Variants in NBAS observed in about 807,000 individuals in gnomAD.
The protein encoded by NBAS is NAG/BC035112 fusion.
A neutral mutation model predicts 302.5 loss-of-function variants in NBAS; 219 were observed. The ratio of observed to expected loss-of-function variants is 0.72; its 90% CI spans 0.65 to 0.81. The LOEUF is 0.81. Ranked by LOEUF, NBAS falls within the 30% of genes least tolerant of loss-of-function variation. The pLI, the probability that NBAS is intolerant of heterozygous loss-of-function variation, is 0.00. For missense variants in NBAS, 2,932 were observed against 2,841.6 expected, an observed-to-expected ratio of 1.03 and a Z score of -0.72; for synonymous variants, 1,118 against 1,021.6, an observed-to-expected ratio of 1.09 and a Z score of -1.80.
At chr2:15,425,698 C>T (rs962031768) in intron 22 of NBAS, among the ~76,000 whole-genome samples, 1 of 152,148 alleles carries the variant, frequency 6.6e-6, no homozygotes, top group Non-Finnish European at 1.5e-5. Context: ...CCCAGCTCTG[C>T]CCACACGAAG....
chr2:15,231,836 A>C (rs1455673142), intron 47 of NBAS, among the ~76,000 whole-genome samples: 1 of 152,166 alleles, frequency 6.6e-6, no homozygotes, highest in Non-Finnish European at 1.5e-5. Context: ...CATGGATATT[A>C]GGCATTGTAA....
At chr2:14,795,436 G>C in the NBAS span, among the ~76,000 whole-genome samples, 1 of 149,176 alleles carries the variant, frequency 6.7e-6, no homozygotes, top group Non-Finnish European at 1.5e-5. Context: ...TATATTTATT[G>C]GCTTATTATT....
At chr2:15,387,003 T>C (rs552172706) in intron 28 of NBAS, among the ~76,000 whole-genome samples, 2 of 152,246 alleles carry the variant, frequency 1.3e-5, no homozygotes, top group Non-Finnish European at 2.9e-5. Context: ...TGACACAAAG[T>C]ATGTCAAAAT....
intron 32 of NBAS, among the ~76,000 whole-genome samples, chr2:15,360,043 T>C (rs549021538): frequency 1.2e-4 from 18 of 152,234 alleles, no homozygotes; most frequent in Non-Finnish European, 2.1e-4. Context: ...TGGAATGCAA[T>C]GGTAAGAATT....
chr2:15,288,718 T>C (rs537815919), intron 41 of NBAS, among the ~76,000 whole-genome samples: 2 of 152,342 alleles, frequency 1.3e-5, no homozygotes, highest in African/African-American at 2.4e-5. Flanking sequence ...AATTTTTAGT[T>C]GGAAGAATGG....
At chr2:14,981,472 G>A in the NBAS span, among the ~76,000 whole-genome samples, 1 of 152,202 alleles carries the variant, frequency 6.6e-6, no homozygotes, top group Non-Finnish European at 1.5e-5. Context: ...TGGGAGTTGT[G>A]CTCTTGCAAA....
intron 9 of NBAS, 21 bp downstream of exon 9, chr2:15,534,522 T>A (rs368913088): frequency 4.0e-6 from 6 of 1,513,132 alleles, no homozygotes. Flanking sequence ...CCACTAAATA[T>A]GAGAACAAAT....
chr2:15,005,466 C>T, the NBAS span, among the ~76,000 whole-genome samples: 2 of 152,222 alleles, frequency 1.3e-5, no homozygotes, highest in Non-Finnish European at 2.9e-5. Context: ...GTCAGAATAA[C>T]TCTGGGAGAT....
At position 15,511,906 on chromosome 2, in the gene NBAS, G is replaced by T. The variant is rs541879687; in HGVS notation, c.747-556C>A. Among the ~76,000 whole-genome samples, 41 of 152,200 alleles carry T rather than the reference G, an allele frequency of 2.7e-4. 1 individual carries two copies. In the South Asian group the frequency reaches 7.9e-3, roughly 29 times the overall value. On this transcript the variant is annotated intron_variant, in intron 9 of 51. Transcript: ENST00000281513. ...ATAACTGGAGGCCAGTTACCAACAG[G>T]GCAAACAGCCTAACATATACTAAAA...
chr2:14,791,955 G>A, the NBAS span, among the ~76,000 whole-genome samples: 2 of 152,030 alleles, frequency 1.3e-5, no homozygotes, highest in South Asian at 4.1e-4. Flanking sequence ...CTCCTCTTCT[G>A]ACCAGAAACA....
At chr2:15,363,895 A>C (rs762373141) in intron 32 of NBAS, among the ~76,000 whole-genome samples, 4 of 152,156 alleles carry the variant, frequency 2.6e-5, no homozygotes, top group Non-Finnish European at 5.9e-5. Context: ...GACTTCCAAG[A>C]CCATATCATA....
intron 50 of NBAS, among the ~76,000 whole-genome samples, chr2:15,183,152 A>G (rs1010433354): frequency 6.6e-6 from 1 of 152,228 alleles, no homozygotes; most frequent in African/African-American, 2.4e-5. Flanking sequence ...AGTAAAATAA[A>G]CTTAAAAAGA....
intron 25 of NBAS, among the ~76,000 whole-genome samples, chr2:15,406,725 G>A (rs1474822520): frequency 6.6e-6 from 1 of 152,116 alleles, no homozygotes; most frequent in Non-Finnish European, 1.5e-5. Flanking sequence ...AAACCCTATC[G>A]AAGAATGGAG....
intron 10 of NBAS, among the ~76,000 whole-genome samples, chr2:15,507,085 G>C (rs1318207351): frequency 6.6e-6 from 1 of 152,148 alleles, no homozygotes; most frequent in Non-Finnish European, 1.5e-5. Flanking sequence ...TTTTTGTGAA[G>C]GGAAAAATAA....
At chr2:15,257,529 A>T (rs1334924447) in intron 44 of NBAS, among the ~76,000 whole-genome samples, 1 of 151,654 alleles carries the variant, frequency 6.6e-6, no homozygotes, top group Non-Finnish European at 1.5e-5. Flanking sequence ...AGTGGCTGAG[A>T]TTGCAAAAGC....
At chr2:14,922,542 T>C in the NBAS span, among the ~76,000 whole-genome samples, 2 of 152,214 alleles carry the variant, frequency 1.3e-5, no homozygotes, top group African/African-American at 2.4e-5. Flanking sequence ...CATGGCCTTT[T>C]CTCTGTGCAT....
rs562683900 is a variant in NBAS, at chr2:15,515,121, C to T, written c.747-3771G>A. ...TTTAAAGGGGAAGAAATGGAGATAA[C>T]TGAATCAACATCTTCACAAAACTGG... On this transcript the variant is annotated intron_variant, in intron 9 of 51. Coordinates refer to ENST00000281513, the MANE Select transcript of NBAS (RefSeq NM_015909.4). Among the ~76,000 whole-genome samples the T allele has an allele frequency of 2.6e-5, 4 of 152,214 alleles. No homozygotes were observed. In the East Asian group the frequency reaches 7.7e-4, roughly 29 times the overall value.
At chr2:15,494,191 G>C (rs1328718073) in intron 11 of NBAS, among the ~76,000 whole-genome samples, 1 of 152,136 alleles carries the variant, frequency 6.6e-6, no homozygotes, top group Non-Finnish European at 1.5e-5. Flanking sequence ...TTTTAATCAT[G>C]AATGTCATTT....
the NBAS span, among the ~76,000 whole-genome samples, chr2:15,020,095 C>G: frequency 6.6e-6 from 1 of 152,134 alleles, no homozygotes; most frequent in African/African-American, 2.4e-5. Context: ...CAACTCCATT[C>G]TGTTTAACTC....
Sources: allele counts gnomAD v4.1 joint callset (sites outside exome capture counted in the v4.1 genomes callset), GRCh38; gene constraint gnomAD v4.1.1; transcripts MANE v1.5; gene names NCBI Gene and HGNC (gene_info 2026-07-23, HGNC 2026-07-21).